Variants in STRN observed in about 807,000 individuals in gnomAD.
STRN encodes the protein striatin.
In STRN, 53 loss-of-function variants were observed where a neutral mutation model predicts 96.3. That is an observed-to-expected ratio of 0.55 (90% confidence interval 0.44 to 0.69). STRN has a LOEUF of 0.69. Ranked by LOEUF, STRN falls within the 30% of genes least tolerant of loss-of-function variation. The pLI is 0.00. For synonymous variants in STRN, 428 were observed against 355.9 expected (o/e 1.20, Z -2.28); for missense variants, 987 against 963.9 (o/e 1.02, Z -0.32).
rs553351693 is a variant in STRN at position 36,948,081 on chromosome 2, C to CTTTTTTTTTTTTTTTTTTTTTTTTTT, written c.234+18123_234+18148dup. 4.4e-5 allele frequency among the ~76,000 whole-genome samples: 3 copies of CTTTTTTTTTTTTTTTTTTTTTTTTTT among 68,138 alleles called. 1 individual carries two copies. The highest frequency in any genetic ancestry group is 1.9e-4 in the African/African-American group (3 of 15,886). The allele number at this position is 68,138 out of a possible 152,430, so 44.7% of individuals were successfully genotyped here. A position where few individuals can be genotyped will look rare whatever the true frequency, so the allele number is the denominator to read the frequency against. On this transcript the variant is annotated intron_variant, in intron 1 of 17. Coordinates refer to ENST00000263918, the MANE Select transcript of STRN (RefSeq NM_003162.4). ...TCTCCTCTATAATTATCAGTGCACT[C>CTTTTTTTTTTTTTTTTTTTTTTTTTT]TTTTTTTTTTTTTTTTTTTTTTTTT...
Position 36,848,063 on chromosome 2 carries a change from C to T in STRN, c.*1393G>A, listed in dbSNP as rs1330354544. On this transcript the variant is annotated 3_prime_UTR_variant, in exon 18 of 18. Coordinates refer to ENST00000263918, the MANE Select transcript of STRN (RefSeq NM_003162.4). ...ATGTCTTTATGACAGGAGACTAGGT[C>T]TAGATAGCAGGGTCTTCAGAATCCC... 1 of 152,128 alleles carries T rather than the reference C, an allele frequency of 6.6e-6. No homozygotes were observed. The highest frequency in any genetic ancestry group is 1.5e-5 in the Non-Finnish European group (1 of 68,030). The allele number at this position is 152,128 out of a possible 1,614,324, so 9.4% of individuals were successfully genotyped here. A position where few individuals can be genotyped will look rare whatever the true frequency, so the allele number is the denominator to read the frequency against.
rs1389965524 is a variant in STRN, at chr2:36,906,493, G to GAATGAATGAA, written c.413-876_413-875insTTCATTCATT. ...AATGAATGAATGAATGAATGAATGA[G>GAATGAATGAA]TAACAAATAAATAATTTTTTTAAAA... is the stretch of plus-strand genomic sequence containing the variant. On this transcript the variant is annotated intron_variant, in intron 3 of 17. Coordinates refer to ENST00000263918, the MANE Select transcript of STRN (RefSeq NM_003162.4). 2.2e-4 allele frequency among the ~76,000 whole-genome samples: 18 copies of GAATGAATGAA among 83,112 alleles called. No homozygotes were observed. The East Asian group carries it at 5.2e-3, about 24-fold the overall frequency. 54.5% of individuals were successfully genotyped at this position (83,112 alleles called of 152,430 possible). A position where few individuals can be genotyped will look rare whatever the true frequency, so the allele number is the denominator to read the frequency against.
intron 15 of STRN, among the ~76,000 whole-genome samples, chr2:36,851,438 G>A (rs986469721): frequency 2.0e-5 from 3 of 152,060 alleles, no homozygotes; most frequent in Admixed American, 6.5e-5. Context: ...AGCCGAGATC[G>A]TGCCACTGCA....
intron 3 of STRN, among the ~76,000 whole-genome samples, chr2:36,915,108 A>C (rs1670056924): frequency 6.6e-6 from 1 of 150,622 alleles, no homozygotes; most frequent in Non-Finnish European, 1.5e-5. Flanking sequence ...GAGGCAGGAG[A>C]ATGGCGTGAA....
intron 1 of STRN, among the ~76,000 whole-genome samples, chr2:36,954,400 T>C (rs1247067381): frequency 6.6e-6 from 1 of 151,076 alleles, no homozygotes; most frequent in Admixed American, 6.6e-5. Context: ...TAATCCCAAC[T>C]ACTTGGGAGG....
chr2:36,951,402 T>G (rs570486167), intron 1 of STRN, among the ~76,000 whole-genome samples: 51 of 152,228 alleles, frequency 3.4e-4, no homozygotes, highest in Non-Finnish European at 6.2e-4. Flanking sequence ...AGACACTATT[T>G]GCTGCACTAA....
chr2:36,926,665 T>C (rs539298570), intron 1 of STRN, among the ~76,000 whole-genome samples: 5 of 152,302 alleles, frequency 3.3e-5, no homozygotes, highest in Non-Finnish European at 5.9e-5. Flanking sequence ...TGTAGGTAGT[T>C]TGTTAGGCTT....
chr2:36,852,282 T>C (rs1410595908), intron 15 of STRN, among the ~76,000 whole-genome samples: 2 of 152,348 alleles, frequency 1.3e-5, no homozygotes, highest in East Asian at 3.9e-4. Context: ...AAAACACTAA[T>C]TGAAGGTATG....
chr2:36,955,478 A>G (rs1488874577), intron 1 of STRN, among the ~76,000 whole-genome samples: 1 of 152,212 alleles, frequency 6.6e-6, no homozygotes, highest in Non-Finnish European at 1.5e-5. Flanking sequence ...GAAATGAAAA[A>G]TACAGATAAG....
intron 6 of STRN, among the ~76,000 whole-genome samples, chr2:36,894,336 T>C (rs902535388): frequency 4.6e-5 from 7 of 152,206 alleles, no homozygotes; most frequent in African/African-American, 1.7e-4. Context: ...TAATTATTTC[T>C]ACTGTCCTAA....
rs987194247 is a variant in STRN at position 36,847,635 on chromosome 2, C to T, written c.*1821G>A. On this transcript the variant is annotated 3_prime_UTR_variant, in exon 18 of 18. Coordinates refer to ENST00000263918, the MANE Select transcript of STRN (RefSeq NM_003162.4). ...ATGAAATGAAAAGGTAGCTGTATTACTACAGCATATCTGTATGAAAATCAG... is the reference window on the plus strand; with the variant it reads ...ATGAAATGAAAAGGTAGCTGTATTATTACAGCATATCTGTATGAAAATCAG... The T allele has an allele frequency of 6.6e-6, 1 of 152,172 alleles. No homozygotes were observed. The highest frequency in any genetic ancestry group is 1.5e-5 in the Non-Finnish European group (1 of 68,034). The allele number at this position is 152,172 out of a possible 1,614,324, so 9.4% of individuals were successfully genotyped here.
chr2:36,883,110 T>C (rs564135957), intron 9 of STRN, among the ~76,000 whole-genome samples: 1 of 152,178 alleles, frequency 6.6e-6, no homozygotes, highest in African/African-American at 2.4e-5. Context: ...ATACATGATG[T>C]AGAATAATGC....
intron 12 of STRN, among the ~76,000 whole-genome samples, chr2:36,863,271 G>A (rs1197865133): frequency 6.6e-6 from 1 of 151,996 alleles, no homozygotes; most frequent in Non-Finnish European, 1.5e-5. Flanking sequence ...GTCTAGAATG[G>A]TATTCCCTAG....
At chr2:36,920,638 CAA>C (rs1312882065) in intron 2 of STRN, among the ~76,000 whole-genome samples, 13 of 62,086 alleles carry the variant, frequency 2.1e-4, no homozygotes, top group Non-Finnish European at 2.9e-4. Context: ...AACTCCGTCT[CAA>C]AAAAAAAAAA....
At chr2:36,858,114 A>C in intron 13 of STRN, 91 bp from the exon 14 acceptor site, 1 of 964,860 alleles carries the variant, frequency 1.0e-6, no homozygotes, top group Non-Finnish European at 1.5e-6. Flanking sequence ...AAACAATAGC[A>C]CCTGATAACA....
At chr2:36,915,322 T>C (rs924429770) in intron 3 of STRN, among the ~76,000 whole-genome samples, 5 of 144,302 alleles carry the variant, frequency 3.5e-5, no homozygotes, top group African/African-American at 1.2e-4. Flanking sequence ...TAAATGAACA[T>C]TAATGTCTTC....
rs750831604 is a variant in STRN, at chr2:36,843,066, G to C, written c.*6390C>G. On this transcript the variant is annotated 3_prime_UTR_variant, in exon 18 of 18. Coordinates refer to ENST00000263918, the MANE Select transcript of STRN (RefSeq NM_003162.4). ...CATCAATCCGTGAATAATTTTTGGA[G>C]TTTTAATGACCTCCTGAGATAGATC... 7.9e-5 allele frequency among the ~76,000 whole-genome samples: 12 copies of C among 152,118 alleles called. No homozygotes were observed. Among genetic ancestry groups the C allele is most frequent in the Non-Finnish European group, 1.3e-4 (9 of 68,028 alleles).
Position 36,843,187 on chromosome 2 carries a change from A to G in STRN, c.*6269T>C, listed in dbSNP as rs1373659169. Among the ~76,000 whole-genome samples the G allele has an allele frequency of 1.3e-5, 2 of 152,170 alleles. No homozygotes were observed. The highest frequency in any genetic ancestry group is 2.9e-5 in the Non-Finnish European group (2 of 68,018). ...TGAAAATGTGTGTACATACCAAAGGATATAATACTCATTAGTATACCAGCA... is the reference window on the plus strand; with the variant it reads ...TGAAAATGTGTGTACATACCAAAGGGTATAATACTCATTAGTATACCAGCA... On this transcript the variant is annotated 3_prime_UTR_variant, in exon 18 of 18. Coordinates refer to ENST00000263918, the MANE Select transcript of STRN (RefSeq NM_003162.4).
intron 7 of STRN, 32 bp downstream of exon 7, chr2:36,893,866 C>T (rs1669467914): frequency 1.9e-6 from 3 of 1,562,264 alleles, no homozygotes; most frequent in African/African-American, 2.8e-5. Context: ...ATTTACTTAA[C>T]ATCTCTGGTT....
Sources: allele counts gnomAD v4.1 joint callset (sites outside exome capture counted in the v4.1 genomes callset), GRCh38; gene constraint gnomAD v4.1.1; transcripts MANE v1.5; gene names NCBI Gene and HGNC (gene_info 2026-07-23, HGNC 2026-07-21).